SNTG2: variants seen among roughly 807,000 people sequenced by gnomAD.
The protein encoded by SNTG2 is syntrophin gamma 2.
In SNTG2, 74 loss-of-function variants were observed where a neutral mutation model predicts 70.9. That is an observed-to-expected ratio of 1.04 (90% CI 0.86 to 1.27). SNTG2 has a LOEUF of 1.27. SNTG2 is among the 50% of genes most tolerant of loss of function. The pLI, the probability that SNTG2 is intolerant of heterozygous loss-of-function variation, is 0.00. For synonymous variants in SNTG2, 278 were observed against 273.8 expected, an observed-to-expected ratio of 1.02 and a Z score of -0.15; for missense variants, 717 against 690.7, an observed-to-expected ratio of 1.04 and a Z score of -0.43.
intron 6 of SNTG2, among the ~76,000 whole-genome samples, chr2:1,151,445 T>G (rs939415139): frequency 6.6e-6 from 1 of 152,208 alleles, no homozygotes; most frequent in Non-Finnish European, 1.5e-5. Context: ...TGCTACCTTC[T>G]GATAAATGTT....
At position 1,246,235 on chromosome 2, in the gene SNTG2, A is replaced by T. The variant is rs150169264; in HGVS notation, c.889-1092A>T. Among the ~76,000 whole-genome samples, 1,071 of 152,350 alleles carry T rather than the reference A, an allele frequency of 7.0e-3. 9 individuals are homozygous for T. The highest frequency in any genetic ancestry group is 0.012 in the Non-Finnish European group (838 of 68,038). On this transcript the variant is annotated intron_variant, in intron 11 of 16. Coordinates refer to ENST00000308624, the MANE Select transcript of SNTG2 (RefSeq NM_018968.4). The stretch of plus-strand genomic sequence containing the variant: ...TTCGGCTACGCGTCCCCGCCCTACA[A>T]GACAGTGCTCCTAATTTTCTTTCCC...
At chr2:1,296,429 G>A (rs937480379) in intron 14 of SNTG2, among the ~76,000 whole-genome samples, 32 of 152,272 alleles carry the variant, frequency 2.1e-4, no homozygotes, top group African/African-American at 7.5e-4. Flanking sequence ...TGCCCCAGCA[G>A]CAGCCTCTGT....
chr2:1,339,420 C>A lies in SNTG2; in HGVS notation c.1488+23045C>A, dbSNP rs572602384. On this transcript the variant is annotated intron_variant, in intron 16 of 16. Coordinates refer to ENST00000308624, the MANE Select transcript of SNTG2 (RefSeq NM_018968.4). ...TGTTGTTTGACAGCAGTGTTTTAAA[C>A]TCCCTAATGCATGATACAAAACAAT... Among the ~76,000 whole-genome samples the A allele has an allele frequency of 2.6e-5, 4 of 152,282 alleles. No homozygotes were observed. In the East Asian group the frequency reaches 7.7e-4, roughly 29 times the overall value.
chr2:1,087,892 C>G (rs1664782889), intron 2 of SNTG2, among the ~76,000 whole-genome samples: 1 of 152,204 alleles, frequency 6.6e-6, no homozygotes, highest in African/African-American at 2.4e-5. Context: ...ATCACACTTG[C>G]AAGCGTGTAG....
rs1446811558 is a variant in SNTG2, at chr2:1,353,311, C to T, written c.1489-14032C>T. Among the ~76,000 whole-genome samples the T allele has an allele frequency of 6.6e-6, 1 of 152,170 alleles. No individual in the cohort carries two copies. The highest frequency in any genetic ancestry group is 1.9e-4 in the East Asian group (1 of 5,182). On this transcript the variant is annotated intron_variant, in intron 16 of 16. Transcript: ENST00000308624. The surrounding 1 kb of genome is among the most constrained non-coding windows in gnomAD (Gnocchi z 4.2). The stretch of plus-strand genomic sequence containing the variant: ...TGTTCATATGTGAGGGCTACAGCCT[C>T]ATCGTATAAACATAAGGAAGTGCCT...
At chr2:1,158,494 AG>A (rs2147834135) in intron 6 of SNTG2, 1 of 150,450 alleles carries the variant, frequency 6.6e-6, no homozygotes, top group East Asian at 2.0e-4. Context: ...CTTCTGTAAA[AG>A]AGAAGAAGTG....
chr2:1,156,444 G>T (rs1669902143), intron 6 of SNTG2, among the ~76,000 whole-genome samples: 1 of 152,212 alleles, frequency 6.6e-6, no homozygotes, highest in South Asian at 2.1e-4. Context: ...TCAGTGAAGA[G>T]AAGGAAGGAA....
intron 7 of SNTG2, among the ~76,000 whole-genome samples, chr2:1,168,665 A>G (rs746448102): frequency 6.6e-6 from 1 of 152,200 alleles, no homozygotes; most frequent in Non-Finnish European, 1.5e-5. Context: ...CAGGATAACT[A>G]TGCTATTCAC....
At chr2:1,350,721 A>G (rs1011003514) in intron 16 of SNTG2, among the ~76,000 whole-genome samples, 1 of 152,196 alleles carries the variant, frequency 6.6e-6, no homozygotes, top group African/African-American at 2.4e-5. Context: ...ATAGAAGTGT[A>G]AATGCCAACA....
chr2:961,870 C>T (rs1285151114), intron 1 of SNTG2, among the ~76,000 whole-genome samples: 1 of 152,102 alleles, frequency 6.6e-6, no homozygotes, highest in African/African-American at 2.4e-5. Context: ...GGCTTTTAGC[C>T]AGGCTGGGTT....
At position 1,302,031 on chromosome 2, in the gene SNTG2, G is replaced by A. The variant is rs184684964; in HGVS notation, c.1285-6463G>A. 3.9e-3 allele frequency among the ~76,000 whole-genome samples: 589 copies of A among 150,762 alleles called. 3 individuals carry two copies. The highest frequency in any genetic ancestry group is 0.014 in the African/African-American group (569 of 40,968). The stretch of plus-strand genomic sequence containing the variant: ...GGCTGGAGTGCAGTGGTGTGATCTC[G>A]GCTCACTGCAACCTCCGCCTCCCAG... On this transcript the variant is annotated intron_variant, in intron 14 of 16. Transcript: ENST00000308624.
chr2:1,118,155 G>A (rs1190430061), intron 4 of SNTG2, among the ~76,000 whole-genome samples: 7 of 152,038 alleles, frequency 4.6e-5, no homozygotes, highest in Non-Finnish European at 7.4e-5. Context: ...GATGCCACAA[G>A]GGCTTCACGT....
chr2:1,262,748 C>CCAGACGACGAAACCCGAAGGCTCA (rs1678501606), intron 13 of SNTG2: 1 of 150,594 alleles, frequency 6.6e-6, no homozygotes, highest in African/African-American at 2.4e-5. Flanking sequence ...CGGAAGGCTC[C>CCAGACGACGAAACCCGAAGGCTCA]GTGCAGACGA....
At chr2:1,289,003 T>C (rs1455087300) in intron 14 of SNTG2, among the ~76,000 whole-genome samples, 1 of 152,146 alleles carries the variant, frequency 6.6e-6, no homozygotes, top group Non-Finnish European at 1.5e-5. Context: ...TGTTGATTAC[T>C]GCTCCTTAAT....
At chr2:1,328,860 TAC>T (rs550863794) in intron 16 of SNTG2, among the ~76,000 whole-genome samples, 5 of 151,380 alleles carry the variant, frequency 3.3e-5, no homozygotes, top group South Asian at 2.1e-4. Context: ...CACAGATGCA[TAC>T]ACACACATAC....
chr2:1,073,003 T>A (rs965473886), intron 1 of SNTG2, among the ~76,000 whole-genome samples: 1 of 152,214 alleles, frequency 6.6e-6, no homozygotes, highest in African/African-American at 2.4e-5. Flanking sequence ...GCAATCTTAT[T>A]ATAAAACATT....
At chr2:1,128,286 A>T (rs1558433265) in intron 4 of SNTG2, among the ~76,000 whole-genome samples, 1 of 152,170 alleles carries the variant, frequency 6.6e-6, no homozygotes, top group Non-Finnish European at 1.5e-5. Flanking sequence ...TTATATCTCG[A>T]GTCTATTCAT....
At chr2:1,130,105 C>A (rs908621867) in intron 4 of SNTG2, among the ~76,000 whole-genome samples, 1 of 152,116 alleles carries the variant, frequency 6.6e-6, no homozygotes, top group African/African-American at 2.4e-5. Context: ...ATTTTTCTTG[C>A]TTGTTTTACA....
At chr2:1,182,731 CA>C (rs35612679) in intron 8 of SNTG2, among the ~76,000 whole-genome samples, 1 of 151,994 alleles carries the variant, frequency 6.6e-6, no homozygotes, top group Non-Finnish European at 1.5e-5. Context: ...GTATTCCCCC[CA>C]AAAATAATCA....
Sources: allele counts gnomAD v4.1 joint callset (sites outside exome capture counted in the v4.1 genomes callset), GRCh38; gene constraint gnomAD v4.1.1; non-coding constraint Gnocchi (gnomAD v3.1); transcripts MANE v1.5; gene names NCBI Gene and HGNC (gene_info 2026-07-23, HGNC 2026-07-21).